Variants in ATF5 observed in about 807,000 individuals in gnomAD.
The protein encoded by ATF5 is cyclic AMP-dependent transcription factor ATF-5.
Under a neutral mutation model 4.6 loss-of-function variants are expected in ATF5, and 6 were observed. The ratio of observed to expected loss-of-function variants is 1.31; its 90% CI spans 0.72 to 2.59. The LOEUF (loss-of-function observed/expected upper bound fraction) is 2.59. ATF5 is among the 30% of genes most tolerant of loss of function. ATF5 has a pLI of 0.00. For synonymous variants in ATF5, 193 were observed against 165.0 expected, an observed-to-expected ratio of 1.17 and a Z score of -1.30; for missense variants, 410 against 368.7, an observed-to-expected ratio of 1.11 and a Z score of -0.92.
In ATF5 at chr19:49,932,832, C is replaced by T; in HGVS notation, c.589C>T (p.Leu197=). 1 of 1,610,990 alleles carries T rather than the reference C, an allele frequency of 6.2e-7. No individual in the cohort carries two copies. The highest frequency in any genetic ancestry group is 8.5e-7 in the Non-Finnish European group (1 of 1,178,868). Residue 197 remains leucine, a synonymous_variant, in exon 3 of 3, where the codon CTG becomes TTG. Coordinates refer to ENST00000423777, the MANE Select transcript of ATF5 (RefSeq NM_001193646.2). ...PPPSPPQPSR[L]APYPHPATTR... ...TCCTTCTCCACCTCAACCTTCTCGC[C>T]TGGCCCCCTACCCACATCCTGCCAC...
In ATF5 at chr19:49,933,207, TC is replaced by T; in HGVS notation, c.*118del. 1 of 1,187,558 alleles carries T rather than the reference TC, an allele frequency of 8.4e-7. No homozygotes were observed. The highest frequency in any genetic ancestry group is 1.1e-6 in the Non-Finnish European group (1 of 874,938). The allele number at this position is 1,187,558 out of a possible 1,614,324, so 73.6% of individuals were successfully genotyped here. On this transcript the variant is annotated 3_prime_UTR_variant, in exon 3 of 3. Transcript: ENST00000423777. ...CGGGTGCAGTGGCTTATGCTTGTAA[TC>T]CCAGCACTTTGGGAGGCCAAGGCAG...
intron 2 of ATF5, among the ~76,000 whole-genome samples, chr19:49,931,851 G>A (rs2076066745): frequency 1.3e-5 from 2 of 151,126 alleles, no homozygotes; most frequent in South Asian, 4.2e-4. Context: ...GTATCTGTGT[G>A]TGTAATGTGA....
chr19:49,933,386 C>T lies in ATF5; in HGVS notation c.*294C>T, dbSNP rs1386813390. 6.3e-6 allele frequency: 2 copies of T among 317,488 alleles called. No homozygotes were observed. The highest frequency in any genetic ancestry group is 1.2e-4 in the South Asian group (1 of 8,322). 19.7% of individuals were successfully genotyped at this position (317,488 alleles called of 1,614,324 possible). On this transcript the variant is annotated 3_prime_UTR_variant, in exon 3 of 3. Transcript: ENST00000423777. ...TTTATCCTCTGTCTCTGCTTATCAC[C>T]TCTCTTGCGTATTTCTGGATCTCCT...
In ATF5 at chr19:49,933,224, G is replaced by C. The variant is rs1339525752; in HGVS notation, c.*132G>C. On this transcript the variant is annotated 3_prime_UTR_variant, in exon 3 of 3. Transcript: ENST00000423777. ...GCTTGTAATCCCAGCACTTTGGGAG[G>C]CCAAGGCAGGAGGATCGTTTGAGGC... The C allele has an allele frequency of 6.4e-5, 64 of 997,906 alleles. No homozygotes were observed. In the East Asian group the frequency reaches 1.7e-3, roughly 26 times the overall value. The allele number at this position is 997,906 out of a possible 1,614,324, so 61.8% of individuals were successfully genotyped here.
At chr19:49,931,176 G>A in intron 2 of ATF5, 148 bp downstream of exon 2, 1 of 674,854 alleles carries the variant, frequency 1.5e-6, no homozygotes. Context: ...GGAACAAGAA[G>A]AACATGGTCT....
chr19:49,931,829 A>G (rs283523), intron 2 of ATF5, among the ~76,000 whole-genome samples: 144,668 of 150,880 alleles, frequency 0.96, 69,416 homozygotes, highest in East Asian at 1. Flanking sequence ...GAAACAAGGC[A>G]TATGTGCGTG....
chr19:49,930,918 G>C lies in ATF5; in HGVS notation c.68G>C (p.Trp23Ser). 1 of 1,612,036 alleles carries C rather than the reference G, an allele frequency of 6.2e-7. No homozygotes were observed. Among genetic ancestry groups the C allele is most frequent in the Non-Finnish European group, 8.5e-7 (1 of 1,179,210 alleles). ...CTGCTCCCAGCTAGTGGGCTGGGAT[G>C]GCTCGTAGACTATGGGAAACTCCCC... Reference protein sequence around the residue: ...RALLPASGLGWLVDYGKLPPA... With the variant: ...RALLPASGLGSLVDYGKLPPA... Residue 23 changes from tryptophan to serine, a missense_variant, in exon 2 of 3, where the codon TGG becomes TCG. Trp to Ser is a radical substitution (Grantham distance 177). Coordinates refer to ENST00000423777, the MANE Select transcript of ATF5 (RefSeq NM_001193646.2).
rs928526003 is a variant in ATF5, at chr19:49,932,627, GCCACTACCACCACCA to G, written c.397_411del (p.Pro133_Pro137del). The G allele has an allele frequency of 7.1e-5, 67 of 938,222 alleles. No homozygotes were observed. Among genetic ancestry groups the G allele is most frequent in the Non-Finnish European group, 7.6e-5 (53 of 693,462 alleles). The allele number at this position is 938,222 out of a possible 1,614,324, so 58.1% of individuals were successfully genotyped here. A position where few individuals can be genotyped will look rare whatever the true frequency, so the allele number is the denominator to read the frequency against. On this transcript the variant is annotated inframe_deletion, in exon 3 of 3. Transcript: ENST00000423777. ...CGCCCCTCCCACCACCCTCCCCGCC[GCCACTACCACCACCA>G]CCACTACCACCAGCCCCCTCCCTCC... is the stretch of plus-strand genomic sequence containing the variant.
intron 2 of ATF5, 66 bp downstream of exon 2, chr19:49,931,094 A>T: frequency 7.5e-7 from 1 of 1,330,062 alleles, no homozygotes. Flanking sequence ...GGAAGAACTC[A>T]TCCATGTATT....
chr19:49,931,118 G>A, intron 2 of ATF5, 90 bp downstream of exon 2: 2 of 1,185,830 alleles, frequency 1.7e-6, no homozygotes, highest in Non-Finnish European at 2.3e-6. Flanking sequence ...TAAATATTGA[G>A]TGCCTACAAT....
Position 49,932,935 on chromosome 19 carries a change from C to T in ATF5, c.692C>T (p.Ala231Val), listed in dbSNP as rs746072748. The T allele has an allele frequency of 3.7e-6, 6 of 1,613,820 alleles. No individual in the cohort carries two copies. The African/African-American group carries it at 8.0e-5, about 22-fold the overall frequency. Residue 231 changes from alanine to valine, a missense_variant, in exon 3 of 3, where the codon GCA becomes GTA. Physicochemically the swap from Ala to Val is moderately conservative, Grantham distance 64. Transcript: ENST00000423777. The stretch of plus-strand genomic sequence containing the variant: ...CTGAGGTACCGCCAGCGGAAGCGGG[C>T]AGAGGGTGAGGCCCTGGAGGGCGAG... ...AALRYRQRKR[A>V]EGEALEGECQ... is the part of the protein sequence containing the mutation.
rs781428541 is a variant in ATF5 at position 49,932,406 on chromosome 19, C to T, written c.179-16C>T. On this transcript the variant is annotated splice_polypyrimidine_tract_variant and intron_variant, in intron 2 of 2. Transcript: ENST00000423777. ...CAACTCAGGGAATTTTGTGTCCCTC[C>T]CCACTTTAATCCCAGGTGATGGCTT... is the stretch of plus-strand genomic sequence containing the variant. 3.7e-6 allele frequency: 6 copies of T among 1,613,914 alleles called. No homozygotes were observed. The South Asian group carries it at 5.5e-5, about 15-fold the overall frequency.
In ATF5 at chr19:49,933,118, G is replaced by A; in HGVS notation, c.*26G>A. ...AAGGGCAGGGGTGTGGCTTCTGGGGGCTGGTCTTCAGCTCTGGCGCCTTCA... is the reference window on the plus strand; with the variant it reads ...AAGGGCAGGGGTGTGGCTTCTGGGGACTGGTCTTCAGCTCTGGCGCCTTCA... On this transcript the variant is annotated 3_prime_UTR_variant, in exon 3 of 3. Coordinates refer to ENST00000423777, the MANE Select transcript of ATF5 (RefSeq NM_001193646.2). 1.3e-6 allele frequency: 2 copies of A among 1,544,106 alleles called. No individual in the cohort carries two copies. Among genetic ancestry groups the A allele is most frequent in the Non-Finnish European group, 1.8e-6 (2 of 1,142,552 alleles).
In ATF5 at chr19:49,933,314, A is replaced by C; in HGVS notation, c.*222A>C. 9.3e-6 allele frequency: 4 copies of C among 430,664 alleles called. No individual in the cohort carries two copies. The highest frequency in any genetic ancestry group is 7.0e-5 in the East Asian group (2 of 28,408). The allele number at this position is 430,664 out of a possible 1,614,324, so 26.7% of individuals were successfully genotyped here. ...TGTCTCTATTAAAAAAAAAAAATCA[A>C]CCCTTCTTCCCCACCAAACCACCCA... On this transcript the variant is annotated 3_prime_UTR_variant, in exon 3 of 3. Transcript: ENST00000423777.
In ATF5 at chr19:49,933,298, TA is replaced by T. The variant is rs368432247; in HGVS notation, c.*218del. 30,844 of 334,480 alleles carry T rather than the reference TA, an allele frequency of 0.092. 78 individuals are homozygous for T. Among genetic ancestry groups the T allele is most frequent in the East Asian group, 0.11 (2,284 of 20,124 alleles). The allele number at this position is 334,480 out of a possible 1,614,324, so 20.7% of individuals were successfully genotyped here. A position where few individuals can be genotyped will look rare whatever the true frequency, so the allele number is the denominator to read the frequency against. ...CAACATAGTAAGACCCTGTCTCTAT[TA>T]AAAAAAAAAAATCAACCCTTCTTCC... is the stretch of plus-strand genomic sequence containing the variant. On this transcript the variant is annotated 3_prime_UTR_variant, in exon 3 of 3. Coordinates refer to ENST00000423777, the MANE Select transcript of ATF5 (RefSeq NM_001193646.2).
At position 49,932,901 on chromosome 19, in the gene ATF5, T is replaced by G; in HGVS notation, c.658T>G (p.Ser220Ala). ...RKQKKRDQNK[S>A]AALRYRQRKR... ...GCAAAAGAAGAGAGACCAGAACAAG[T>G]CGGCGGCTCTGAGGTACCGCCAGCG... Residue 220 changes from serine (S) to alanine (A), a missense_variant, in exon 3 of 3, where the codon TCG becomes GCG. Physicochemically the swap from Ser to Ala is moderately conservative, Grantham distance 99. Transcript: ENST00000423777. The G allele has an allele frequency of 6.2e-7, 1 of 1,613,498 alleles. No individual in the cohort carries two copies.
intron 2 of ATF5, among the ~76,000 whole-genome samples, chr19:49,931,828 C>T (rs556422939): frequency 5.9e-4 from 88 of 150,320 alleles, no homozygotes; most frequent in African/African-American, 2.0e-3. Flanking sequence ...TGAAACAAGG[C>T]ATATGTGCGT....
intron 2 of ATF5, 171 bp downstream of exon 2, chr19:49,931,199 A>G: frequency 1.9e-6 from 1 of 535,424 alleles, no homozygotes; most frequent in African/African-American, 1.9e-5. Flanking sequence ...GCCTTCCAGC[A>G]GCTCACACTG....
chr19:49,930,977 C>T lies in ATF5; in HGVS notation c.127C>T (p.Leu43Phe). Residue 43 changes from leucine to phenylalanine, a missense_variant, in exon 2 of 3, where the codon CTT (leucine) becomes TTT (phenylalanine). Leu to Phe is a conservative substitution (Grantham distance 22, BLOSUM62 0). Transcript: ENST00000423777. ...APAPLAPYEV[L>F]GGALEGGLPV... ...TGCCCCCCTGGCTCCCTATGAGGTC[C>T]TTGGGGGAGCCCTGGAGGGCGGGCT... The T allele has an allele frequency of 1.9e-6, 3 of 1,583,786 alleles. No homozygotes were observed. The highest frequency in any genetic ancestry group is 2.6e-6 in the Non-Finnish European group (3 of 1,165,720).
Sources: allele counts gnomAD v4.1 joint callset (sites outside exome capture counted in the v4.1 genomes callset), GRCh38; gene constraint gnomAD v4.1.1; transcripts MANE v1.5; gene names NCBI Gene and HGNC (gene_info 2026-07-23, HGNC 2026-07-21).